WNT2B: variants seen among roughly 807,000 people sequenced by gnomAD.
WNT2B encodes the protein protein Wnt-2b.
In WNT2B, 19 loss-of-function variants were observed where a neutral mutation model predicts 40.5. The observed-to-expected ratio is 0.47, with a 90% CI of 0.33 to 0.69. WNT2B has a LOEUF of 0.69. WNT2B is among the 30% of genes least tolerant of loss of function. WNT2B has a pLI of 0.02. For synonymous variants in WNT2B, 220 were observed against 211.9 expected, an observed-to-expected ratio of 1.04 and a Z score of -0.33; for missense variants, 467 against 556.4, an observed-to-expected ratio of 0.84 and a Z score of 1.62.
chr1:112,514,645 A>C, intron 1 of WNT2B: 1 of 569,100 alleles, frequency 1.8e-6, no homozygotes, highest in Non-Finnish European at 3.2e-6. Context: ...TGGCTGGGGA[A>C]CTGGTGATGG....
At chr1:112,519,489 G>C (rs187441977) in intron 4 of WNT2B, among the ~76,000 whole-genome samples, 626 of 152,218 alleles carry the variant, frequency 4.1e-3, no homozygotes, top group Non-Finnish European at 6.4e-3. Context: ...TCATCCAAAA[G>C]TCTATTGATT....
At chr1:112,486,132 AAC>A (rs71584737) in intron 1 of WNT2B, among the ~76,000 whole-genome samples, 10 of 143,804 alleles carry the variant, frequency 7.0e-5, no homozygotes, top group African/African-American at 1.6e-4. Context: ...ATGAGTTTTT[AAC>A]ACACACACAC....
At chr1:112,513,768 C>A (rs192651075) in intron 1 of WNT2B, among the ~76,000 whole-genome samples, 5 of 152,240 alleles carry the variant, frequency 3.3e-5, no homozygotes, top group African/African-American at 1.2e-4. Flanking sequence ...CCCTTTGATG[C>A]GTTCTGGACA....
At chr1:112,512,503 G>A (rs1454998819) in intron 1 of WNT2B, among the ~76,000 whole-genome samples, 1 of 152,218 alleles carries the variant, frequency 6.6e-6, no homozygotes, top group Non-Finnish European at 1.5e-5. Context: ...CAAGGGGCTA[G>A]AGTAGTGTAT....
At chr1:112,504,172 G>GGAATGGCCGTCAGCCCGCCCA (rs1652041698), upstream of WNT2B, among the ~76,000 whole-genome samples, 1 of 152,184 alleles carries the variant, frequency 6.6e-6, no homozygotes, top group Non-Finnish European at 1.5e-5. Context: ...CCACCCGCCC[G>GGAATGGCCGTCAGCCCGCCCA]GAATGGCCGT....
chr1:112,484,246 C>CATATATATACACATATATATATACACAT (rs1277490034), intron 1 of WNT2B, among the ~76,000 whole-genome samples: 85 of 116,704 alleles, frequency 7.3e-4, no homozygotes, highest in South Asian at 1.5e-3. Flanking sequence ...TATATATACA[C>CATATATATACACATATATATATACACAT]ATATATATAC....
In WNT2B at chr1:112,516,343, G is replaced by A. The variant is rs351371; in HGVS notation, c.607G>A (p.Val203Met). 11 of 1,614,054 alleles carry A rather than the reference G, an allele frequency of 6.8e-6. No individual in the cohort carries two copies. Among genetic ancestry groups the A allele is most frequent in the East Asian group, 2.2e-5 (1 of 44,856 alleles). ...CGGTGTCCGTTTTGCCAAGGCCTTC[G>A]TGGATGCCAAGGAGAAGAGGCTTAA... ...HYGVRFAKAF[V>M]DAKEKRLKDA... Residue 203 changes from valine (V) to methionine (M), a missense_variant, in exon 3 of 5, where the codon GTG (valine) becomes ATG (methionine). Coordinates refer to ENST00000369684, the MANE Select transcript of WNT2B (RefSeq NM_024494.3).
chr1:112,481,343 G>C (rs999189314), intron 1 of WNT2B, among the ~76,000 whole-genome samples: 9 of 152,172 alleles, frequency 5.9e-5, no homozygotes, highest in Admixed American at 4.6e-4. Context: ...CAGAAAAAAC[G>C]TTTGGCAAAG....
chr1:112,514,816 C>A, intron 1 of WNT2B, 58 bp from the exon 2 acceptor site: 1 of 1,555,798 alleles, frequency 6.4e-7, no homozygotes, highest in Non-Finnish European at 8.9e-7. Flanking sequence ...CTTCCTTATT[C>A]CCTCCCAATG....
intron 1 of WNT2B, among the ~76,000 whole-genome samples, chr1:112,480,094 T>A (rs929821782): frequency 2.0e-5 from 3 of 151,968 alleles, no homozygotes; most frequent in Admixed American, 6.6e-5. Context: ...GCACAGTGGC[T>A]CATGCCTGTA....
Position 112,516,155 on chromosome 1 carries a change from CT to C in WNT2B, c.423del (p.Phe141LeufsTer10), listed in dbSNP as rs1652529952. On this transcript the variant is annotated frameshift_variant, in exon 3 of 5. Coordinates refer to ENST00000369684, the MANE Select transcript of WNT2B (RefSeq NM_024494.3). LOFTEE classifies it high-confidence loss of function. The part of the protein sequence containing the change: ...RVMLRSSREA[A>X]FVYAISSAGV... ...CTCTCTCTAGGTAGCCGAGAGGCAG[CT>C]TTTGTATATGCCATCTCATCAGCAG... is the stretch of plus-strand genomic sequence containing the variant. 1 of 1,612,328 alleles carries C rather than the reference CT, an allele frequency of 6.2e-7. No homozygotes were observed. The highest frequency in any genetic ancestry group is 1.3e-5 in the African/African-American group (1 of 74,846).
upstream of WNT2B, among the ~76,000 whole-genome samples, chr1:112,506,638 G>A (rs1462412084): frequency 1.3e-5 from 2 of 152,180 alleles, no homozygotes; most frequent in Non-Finnish European, 2.9e-5. Flanking sequence ...AGTGGTCCAA[G>A]GAAAGAGGCC....
chr1:112,492,023 A>G (rs1178772744), intron 1 of WNT2B, among the ~76,000 whole-genome samples: 1 of 152,232 alleles, frequency 6.6e-6, no homozygotes, highest in Non-Finnish European at 1.5e-5. Context: ...AGCCATAAAC[A>G]TATATGTATG....
chr1:112,481,712 C>T lies in WNT2B; in HGVS notation c.-95+14121C>T, dbSNP rs114574282. 3.0e-3 allele frequency among the ~76,000 whole-genome samples: 460 copies of T among 152,184 alleles called. 2 individuals carry two copies. The highest frequency in any genetic ancestry group is 0.01 in the African/African-American group (435 of 41,530). On this transcript the variant is annotated intron_variant, in intron 1 of 4. Coordinates refer to the WNT2B transcript ENST00000256640. ...TAAATTTGCAGGGTACAAAAATCAA[C>T]ATAAAAAAATTAATCAGGCCAGGCG...
At position 112,526,228 on chromosome 1, in the gene WNT2B, C is replaced by G; in HGVS notation, c.*5719C>G. 1 of 1,394,730 alleles carries G rather than the reference C, an allele frequency of 7.2e-7. No individual in the cohort carries two copies. Among genetic ancestry groups the G allele is most frequent in the Non-Finnish European group, 9.7e-7 (1 of 1,028,224 alleles). The allele number at this position is 1,394,730 out of a possible 1,614,324, so 86.4% of individuals were successfully genotyped here. On this transcript the variant is annotated 3_prime_UTR_variant, in exon 5 of 5. Transcript: ENST00000369684. Reference sequence around the variant, plus strand: ...CAGCCTAGGCCCTCCTGAACCTTATCAACCAATGGCTCTTTTGCCATTTCT... The same window carrying G: ...CAGCCTAGGCCCTCCTGAACCTTATGAACCAATGGCTCTTTTGCCATTTCT...
rs2101089347 is a variant in WNT2B at position 112,515,763 on chromosome 1, G to A, written c.404-377G>A. ...GTGGGGGAACTGTCCAGCAGAGTGG[G>A]CCTGAAAAGGCCTGGAATGTGGACT... On this transcript the variant is annotated intron_variant, in intron 2 of 4. Coordinates refer to ENST00000369684, the MANE Select transcript of WNT2B (RefSeq NM_024494.3). The surrounding 1 kb of genome is among the most constrained non-coding windows in gnomAD (Gnocchi z 4.4). Among the ~76,000 whole-genome samples, 1 of 152,328 alleles carries A rather than the reference G, an allele frequency of 6.6e-6. No individual in the cohort carries two copies. The highest frequency in any genetic ancestry group is 3.4e-3 in the Middle Eastern group (1 of 294).
At chr1:112,467,495 TG>T in exon 1 of WNT2B, 1 of 777,136 alleles carries the variant, frequency 1.3e-6, no homozygotes, top group Admixed American at 1.7e-5. Flanking sequence ...CTGTTAACAC[TG>T]CTGTCTCCTT....
In WNT2B at chr1:112,509,177, G is replaced by C; in HGVS notation, c.-86G>C. 3 of 1,397,058 alleles carry C rather than the reference G, an allele frequency of 2.1e-6. No homozygotes were observed. The highest frequency in any genetic ancestry group is 1.8e-6 in the Non-Finnish European group (2 of 1,086,022). 86.5% of individuals were successfully genotyped at this position (1,397,058 alleles called of 1,614,324 possible). A position where few individuals can be genotyped will look rare whatever the true frequency, so the allele number is the denominator to read the frequency against. On this transcript the variant is annotated 5_prime_UTR_variant, in exon 1 of 5. Coordinates refer to ENST00000369684, the MANE Select transcript of WNT2B (RefSeq NM_024494.3). The surrounding 1 kb of genome is among the most constrained non-coding windows in gnomAD (Gnocchi z 4.2). ...CGGCGAACACCATGGCCCCCCAGGG[G>C]GGTGAGGTAGGAGCAGCCTGAGTAC...
intron 1 of WNT2B, among the ~76,000 whole-genome samples, chr1:112,497,863 G>A (rs1188522799): frequency 1.3e-5 from 2 of 151,588 alleles, no homozygotes; most frequent in African/African-American, 4.9e-5. Flanking sequence ...GTAGTACCCC[G>A]AGCACTTTGC....
Sources: gnomAD v4.1 joint callset for allele counts (sites outside exome capture counted in the v4.1 genomes callset) on GRCh38, gnomAD v4.1.1 for gene constraint, Gnocchi (gnomAD v3.1) non-coding constraint, MANE v1.5 for transcripts, NCBI Gene and HGNC (gene_info 2026-07-23, HGNC 2026-07-21) for gene names.